TRIM44: variants seen among roughly 807,000 people sequenced by gnomAD.
TRIM44 encodes the protein tripartite motif containing 44.
A neutral mutation model predicts 37.4 loss-of-function variants in TRIM44; 13 were observed. That is an observed-to-expected ratio of 0.35 (90% CI 0.23 to 0.55). TRIM44 has a LOEUF of 0.55. Ranked by LOEUF, TRIM44 falls within the 20% of genes least tolerant of loss-of-function variation. The pLI, the probability that TRIM44 is intolerant of heterozygous loss-of-function variation, is 0.89. For synonymous variants in TRIM44, 175 were observed against 157.2 expected (o/e 1.11, Z -0.85); for missense variants, 426 against 437.2 (o/e 0.97, Z 0.23).
chr11:35,784,572 T>C (rs939952284), intron 4 of TRIM44, among the ~76,000 whole-genome samples: 1 of 152,256 alleles, frequency 6.6e-6, no homozygotes, highest in African/African-American at 2.4e-5. Context: ...GGAATAGTGA[T>C]TGCAAACTGA....
intron 4 of TRIM44, among the ~76,000 whole-genome samples, chr11:35,776,590 G>T (rs1590592557): frequency 6.6e-6 from 1 of 152,064 alleles, no homozygotes; most frequent in African/African-American, 2.4e-5. Flanking sequence ...TCTCTTGTGG[G>T]CATTTAGTGC....
intron 4 of TRIM44, among the ~76,000 whole-genome samples, chr11:35,740,184 T>G (rs1313906934): frequency 6.6e-6 from 1 of 151,570 alleles, no homozygotes; most frequent in African/African-American, 2.4e-5. Context: ...TTTACACTTT[T>G]GGCATCAATT....
chr11:35,809,566 A>G lies in TRIM44; in HGVS notation c.*3181A>G, dbSNP rs1029217281. 3 of 152,106 alleles carry G rather than the reference A, an allele frequency of 2.0e-5. No individual in the cohort carries two copies. The highest frequency in any genetic ancestry group is 7.2e-5 in the African/African-American group (3 of 41,438). 9.4% of individuals were successfully genotyped at this position (152,106 alleles called of 1,614,324 possible). ...AGGAGAACATTTCCTTTTTCATGCC[A>G]TCTTCCATAAATAAGGTGTTTCTTG... On this transcript the variant is annotated 3_prime_UTR_variant, in exon 5 of 5. Coordinates refer to ENST00000299413, the MANE Select transcript of TRIM44 (RefSeq NM_017583.6).
At chr11:35,775,946 C>T (rs1027739938) in intron 4 of TRIM44, among the ~76,000 whole-genome samples, 1 of 152,086 alleles carries the variant, frequency 6.6e-6, no homozygotes, top group Non-Finnish European at 1.5e-5. Flanking sequence ...TTTGTTGTGT[C>T]TCTGCCAGGC....
intron 4 of TRIM44, among the ~76,000 whole-genome samples, chr11:35,740,330 G>A (rs541247817): frequency 6.0e-4 from 92 of 152,206 alleles, no homozygotes; most frequent in African/African-American, 2.1e-3. Flanking sequence ...ATCTGTTGGC[G>A]TAAAAGCTGT....
At chr11:35,754,420 C>T (rs1306388227) in intron 4 of TRIM44, among the ~76,000 whole-genome samples, 3 of 152,176 alleles carry the variant, frequency 2.0e-5, no homozygotes, top group South Asian at 4.1e-4. Context: ...TTTATCTGTA[C>T]ACCTCCTACC....
chr11:35,689,753 A>T (rs11603797), intron 2 of TRIM44, among the ~76,000 whole-genome samples: 16,978 of 152,170 alleles, frequency 0.11, 1,009 homozygotes, highest in Non-Finnish European at 0.13. Context: ...CAGTTTACTC[A>T]GAGGTAACCT....
intron 4 of TRIM44, among the ~76,000 whole-genome samples, chr11:35,765,045 T>C (rs1852777577): frequency 6.6e-6 from 1 of 152,184 alleles, no homozygotes; most frequent in South Asian, 2.1e-4. Flanking sequence ...AAGACTTTTT[T>C]TTGTTGTTTG....
chr11:35,754,016 C>T (rs1417413434), intron 4 of TRIM44, among the ~76,000 whole-genome samples: 6 of 150,950 alleles, frequency 4.0e-5, no homozygotes, highest in African/African-American at 1.5e-4. Context: ...TGCACTCCAG[C>T]GTGGGTGACC....
At chr11:35,687,652 T>G (rs1168450803) in intron 2 of TRIM44, among the ~76,000 whole-genome samples, 1 of 152,230 alleles carries the variant, frequency 6.6e-6, no homozygotes, top group Non-Finnish European at 1.5e-5. Context: ...TAAAGTGCTT[T>G]GGGATCCTTT....
At chr11:35,746,895 T>A (rs1852499328) in intron 4 of TRIM44, among the ~76,000 whole-genome samples, 1 of 152,240 alleles carries the variant, frequency 6.6e-6, no homozygotes, top group African/African-American at 2.4e-5. Context: ...TACCAGTTGT[T>A]CCCTGTAGGT....
intron 4 of TRIM44, among the ~76,000 whole-genome samples, chr11:35,742,172 G>C (rs1852405317): frequency 6.6e-6 from 1 of 151,676 alleles, no homozygotes; most frequent in Non-Finnish European, 1.5e-5. Flanking sequence ...TGAACTACTG[G>C]GGTCAAGTGA....
At chr11:35,681,435 T>G (rs901040924) in intron 1 of TRIM44, among the ~76,000 whole-genome samples, 1 of 152,212 alleles carries the variant, frequency 6.6e-6, no homozygotes, top group Non-Finnish European at 1.5e-5. Flanking sequence ...TTCTGAGTGG[T>G]GGGTGTCACA....
intron 4 of TRIM44, among the ~76,000 whole-genome samples, chr11:35,785,931 A>G (rs12274211): frequency 0.027 from 4,095 of 152,294 alleles, 135 homozygotes; most frequent in African/African-American, 0.077. Flanking sequence ...AGCCCCAAAG[A>G]GAATGTGGCA....
chr11:35,772,114 G>T (rs185590305), intron 4 of TRIM44, among the ~76,000 whole-genome samples: 1 of 152,230 alleles, frequency 6.6e-6, no homozygotes, highest in African/African-American at 2.4e-5. Flanking sequence ...GGTGTAAGCC[G>T]CAAGCCTTGA....
chr11:35,726,062 C>T lies in TRIM44; in HGVS notation c.886C>T (p.Leu296=). The T allele has an allele frequency of 6.2e-7, 1 of 1,614,134 alleles. No individual in the cohort carries two copies. Among genetic ancestry groups the T allele is most frequent in the Non-Finnish European group, 8.5e-7 (1 of 1,180,024 alleles). ...AMATAHVTEI[L]ADIQSHMDRL... is the part of the protein sequence containing the mutation. ...GGCCACAGCTCATGTGACTGAGATA[C>T]TGGCAGACATCCAATCCCACATGGA... Residue 296 remains leucine, a synonymous_variant, in exon 3 of 5, where the codon CTG becomes TTG. Transcript: ENST00000299413.
At chr11:35,745,204 C>G (rs1458314781) in intron 4 of TRIM44, among the ~76,000 whole-genome samples, 1 of 152,138 alleles carries the variant, frequency 6.6e-6, no homozygotes, top group African/African-American at 2.4e-5. Context: ...TTTCTCTGCA[C>G]CTTGCCAGAA....
intron 4 of TRIM44, among the ~76,000 whole-genome samples, chr11:35,797,825 A>C (rs972093469): frequency 1.3e-5 from 2 of 152,238 alleles, no homozygotes; most frequent in African/African-American, 4.8e-5. Context: ...AATCTGGAGC[A>C]GGAAAGGGAC....
intron 1 of TRIM44, 107 bp downstream of exon 1, chr11:35,663,887 C>A: frequency 7.4e-7 from 1 of 1,346,234 alleles, no homozygotes; most frequent in Non-Finnish European, 1.0e-6. Context: ...CCCTAAGAAG[C>A]TAGTCTTTCC....
Sources: gnomAD v4.1 joint callset for allele counts (sites outside exome capture counted in the v4.1 genomes callset) on GRCh38, gnomAD v4.1.1 for gene constraint, MANE v1.5 for transcripts, NCBI Gene and HGNC (gene_info 2026-07-23, HGNC 2026-07-21) for gene names.